The following CDH22 variants were observed in gnomAD, a reference collection of about 807,000 sequenced individuals.
CDH22 encodes cadherin-22.
CDH22 carries 30 observed loss-of-function variants against 58.4 expected under a neutral mutation model. That is an observed-to-expected ratio of 0.51 (90% CI 0.38 to 0.70). The LOEUF (loss-of-function observed/expected upper bound fraction) is 0.70, where lower values mean the gene tolerates loss of function less well. Ranked by LOEUF, CDH22 falls within the 30% of genes least tolerant of loss-of-function variation. The probability of loss-of-function intolerance (pLI) is 0.00; values close to 1 mark genes in which losing one functional copy is unlikely to be tolerated. For missense variants in CDH22, 1,014 were observed against 1,233.9 expected (o/e 0.82, Z 2.67); for synonymous variants, 513 against 558.2 (o/e 0.92, Z 1.14).
intron 1 of CDH22, among the ~76,000 whole-genome samples, chr20:46,280,894 T>G (rs980512165): frequency 6.6e-6 from 1 of 152,210 alleles, no homozygotes; most frequent in Non-Finnish European, 1.5e-5. Flanking sequence ...GTGTCTGGCT[T>G]AACCCTGAAT....
Position 46,199,514 on chromosome 20 carries a change from G to C in CDH22, c.1332C>G (p.Ile444Met). ...RESDLDQIFD[I>M]DADTGAIVTG... ...TCACGATGGCGCCTGTGTCCGCATCGATATCGAAGATCTGGTCCAAATCTG... is the reference window on the plus strand; with the variant it reads ...TCACGATGGCGCCTGTGTCCGCATCCATATCGAAGATCTGGTCCAAATCTG... Residue 444 changes from isoleucine (I) to methionine (M), a missense_variant, in exon 8 of 12, where the codon ATC becomes ATG. Transcript: ENST00000537909. The C allele has an allele frequency of 6.2e-7, 1 of 1,613,868 alleles. No individual in the cohort carries two copies. Among genetic ancestry groups the C allele is most frequent in the Non-Finnish European group, 8.5e-7 (1 of 1,179,960 alleles).
At chr20:46,240,488 T>C (rs937845244) in intron 3 of CDH22, among the ~76,000 whole-genome samples, 1 of 152,044 alleles carries the variant, frequency 6.6e-6, no homozygotes, top group Non-Finnish European at 1.5e-5. Context: ...CTATGTGCAG[T>C]TGAACTTTTG....
At chr20:46,296,169 G>C (rs1008169433) in intron 1 of CDH22, among the ~76,000 whole-genome samples, 1 of 152,184 alleles carries the variant, frequency 6.6e-6, no homozygotes, top group Admixed American at 6.5e-5. Flanking sequence ...AGATATAAGA[G>C]AAGAGGCACC....
chr20:46,264,705 C>T (rs984917327), intron 1 of CDH22, among the ~76,000 whole-genome samples: 1 of 152,092 alleles, frequency 6.6e-6, no homozygotes, highest in African/African-American at 2.4e-5. Flanking sequence ...GCGTTTGGCT[C>T]TCAGCATGAA....
chr20:46,174,700 G>A lies in CDH22; in HGVS notation c.2293C>T (p.Pro765Ser). The A allele has an allele frequency of 1.3e-6, 2 of 1,557,706 alleles. No individual in the cohort carries two copies. Among genetic ancestry groups the A allele is most frequent in the African/African-American group, 1.3e-5 (1 of 74,150 alleles). ...TAGGTCTGGAAGGCGTCGTAGGGCG[G>A]CACCGACAGGTCCCCGTCCGCCAGT... ...VALADGDLSV[P>S]PYDAFQTYAF... is the part of the protein sequence containing the mutation. The change falls in exon 12 of 12, where the codon CCG becomes TCG. Residue 765 changes from proline (P) to serine (S), a missense_variant. This residue lies in a region of CDH22 where 208 missense variants were observed against 195.2 expected (regional missense o/e 1.07). Transcript: ENST00000537909. The surrounding 1 kb of genome is among the most constrained non-coding windows in gnomAD (Gnocchi z 4.4).
At chr20:46,272,338 C>T (rs376726261) in intron 1 of CDH22, among the ~76,000 whole-genome samples, 16 of 152,158 alleles carry the variant, frequency 1.1e-4, no homozygotes, top group East Asian at 9.6e-4. Context: ...GTTCCTGAGA[C>T]GTGCATGTTG....
At chr20:46,225,459 T>C (rs1023364422) in intron 4 of CDH22, among the ~76,000 whole-genome samples, 5 of 152,176 alleles carry the variant, frequency 3.3e-5, no homozygotes, top group Admixed American at 1.3e-4. Flanking sequence ...AAGCCGTGTG[T>C]ATAGTGTGTT....
chr20:46,177,798 C>G, intron 11 of CDH22, 148 bp downstream of exon 11: 1 of 1,014,100 alleles, frequency 9.9e-7, no homozygotes. Flanking sequence ...CTCATGGGGG[C>G]TGCTTGTTAG....
Position 46,241,095 on chromosome 20 carries a change from G to A in CDH22, c.418C>T (p.Arg140Trp), listed in dbSNP as rs766446272. The A allele has an allele frequency of 6.2e-6, 10 of 1,614,128 alleles. No individual in the cohort carries two copies. The East Asian group carries it at 6.7e-5, about 11-fold the overall frequency. Residue 140 changes from arginine (R) to tryptophan (W), a missense_variant, in exon 3 of 12, where the codon CGG becomes TGG. Coordinates refer to ENST00000537909, the MANE Select transcript of CDH22 (RefSeq NM_021248.3). This position sits in a 1 kb window ranked among gnomAD's most constrained non-coding sequence, Gnocchi z 5.2. ...KTFYTLRAQA[R>W]DRATNRLLEP... ...AGTAGGCGGTTGGTGGCGCGATCCC[G>A]AGCCTGGGCCCGCAGCGTGTAGAAG...
chr20:46,307,556 C>T (rs1284918748), intron 1 of CDH22, among the ~76,000 whole-genome samples: 1 of 152,140 alleles, frequency 6.6e-6, no homozygotes, highest in African/African-American at 2.4e-5. Context: ...AGCGCTGGCT[C>T]TCGCTCACCG....
chr20:46,196,892 C>T (rs1257379748), intron 8 of CDH22, among the ~76,000 whole-genome samples: 1 of 152,200 alleles, frequency 6.6e-6, no homozygotes, highest in African/African-American at 2.4e-5. Context: ...GATCCTCCCA[C>T]CAGCTCTCTG....
intron 7 of CDH22, among the ~76,000 whole-genome samples, chr20:46,204,525 C>A (rs2085986082): frequency 1.3e-5 from 2 of 151,894 alleles, no homozygotes; most frequent in South Asian, 4.2e-4. Flanking sequence ...CAGACTAGCT[C>A]TTACTTTTCT....
chr20:46,198,773 G>A (rs994130027), intron 8 of CDH22, among the ~76,000 whole-genome samples: 10 of 152,278 alleles, frequency 6.6e-5, no homozygotes, highest in Middle Eastern at 6.8e-3. Flanking sequence ...AAATTACACC[G>A]CAGGGCCTCT....
At chr20:46,186,470 T>C (rs2085825704) in intron 10 of CDH22, 118 bp downstream of exon 10, 2 of 747,628 alleles carry the variant, frequency 2.7e-6, no homozygotes, top group African/African-American at 3.5e-5. Context: ...AGACTTTCCA[T>C]GTGATCTTAG....
chr20:46,214,119 A>G (rs1176776833), intron 5 of CDH22, among the ~76,000 whole-genome samples: 1 of 152,050 alleles, frequency 6.6e-6, no homozygotes, highest in African/African-American at 2.4e-5. Context: ...AGACAGAGGG[A>G]GCAGCAGGTG....
At chr20:46,304,266 A>G (rs2086665042) in intron 1 of CDH22, among the ~76,000 whole-genome samples, 1 of 152,176 alleles carries the variant, frequency 6.6e-6, no homozygotes, top group South Asian at 2.1e-4. Context: ...ACCCCATGGG[A>G]ACCAAGGAAT....
At chr20:46,262,048 C>T (rs1243643732) in intron 1 of CDH22, among the ~76,000 whole-genome samples, 1 of 152,002 alleles carries the variant, frequency 6.6e-6, no homozygotes, top group Non-Finnish European at 1.5e-5. Context: ...GCACCAAGGA[C>T]AGCTCCCTAC....
chr20:46,263,086 C>T (rs1023151626), intron 1 of CDH22, among the ~76,000 whole-genome samples: 8 of 152,228 alleles, frequency 5.3e-5, no homozygotes, highest in African/African-American at 1.9e-4. Flanking sequence ...CTGGCCTCAG[C>T]ATTCTGCCCA....
chr20:46,185,296 T>G (rs1015426833), intron 10 of CDH22, among the ~76,000 whole-genome samples: 9 of 152,066 alleles, frequency 5.9e-5, no homozygotes, highest in African/African-American at 1.9e-4. Flanking sequence ...TCCTTAAAGG[T>G]TCAAACATCA....
Sources: allele counts gnomAD v4.1 joint callset (sites outside exome capture counted in the v4.1 genomes callset), GRCh38; gene constraint gnomAD v4.1.1; regional missense constraint gnomAD v4.1.1; non-coding constraint Gnocchi (gnomAD v3.1); transcripts MANE v1.5; gene names NCBI Gene and HGNC (gene_info 2026-07-23, HGNC 2026-07-21).